PPP1R13L: variants seen among roughly 807,000 people sequenced by gnomAD.
The protein encoded by PPP1R13L is relA-associated inhibitor.
PPP1R13L carries 50 observed loss-of-function variants against 80.9 expected under a neutral mutation model. The ratio of observed to expected loss-of-function variants is 0.62; its 90% CI spans 0.49 to 0.78. The LOEUF (loss-of-function observed/expected upper bound fraction) is 0.78. Among genes scored for constraint, PPP1R13L ranks in the 30% least tolerant of loss-of-function variants. The pLI is 0.00. For synonymous variants in PPP1R13L, 602 were observed against 534.3 expected (o/e 1.13, Z -1.75); for missense variants, 1,200 against 1,205.9 (o/e 1.00, Z 0.07).
At chr19:45,383,216 G>C (rs536312342) in intron 11 of PPP1R13L, among the ~76,000 whole-genome samples, 4 of 150,126 alleles carry the variant, frequency 2.7e-5, no homozygotes, top group Non-Finnish European at 5.9e-5. Flanking sequence ...GGATGGTCTC[G>C]ATCTCCTGAC....
rs758677699 is a variant in PPP1R13L, at chr19:45,395,884, G to C, written c.906C>G (p.Asp302Glu). The change falls in exon 7 of 13, where the codon GAC (aspartate) becomes GAG (glutamate). Residue 302 changes from aspartate to glutamate, a missense_variant and splice_region_variant. Transcript: ENST00000360957. ...GCGGCAGGGTGGCGCTAGTGAGGTTGTCCTGGGGAAGAGGGAAGGGAGAAG... is the reference window on the plus strand; with the variant it reads ...GCGGCAGGGTGGCGCTAGTGAGGTTCTCCTGGGGAAGAGGGAAGGGAGAAG... ...SLDGLGGTGKDNLTSATLPRN... is the reference protein window; with the variant it reads ...SLDGLGGTGKENLTSATLPRN... 6.3e-7 allele frequency: 1 copy of C among 1,585,628 alleles called. No individual in the cohort carries two copies.
At chr19:45,404,282 C>T (rs1336382430) in intron 1 of PPP1R13L, among the ~76,000 whole-genome samples, 1 of 152,164 alleles carries the variant, frequency 6.6e-6, no homozygotes, top group Non-Finnish European at 1.5e-5. Context: ...CCAGCTGTTT[C>T]CCACCCCATA....
intron 8 of PPP1R13L, among the ~76,000 whole-genome samples, chr19:45,390,350 C>G (rs1281277299): frequency 6.6e-6 from 1 of 152,046 alleles, no homozygotes; most frequent in Admixed American, 6.6e-5. Flanking sequence ...AACAGAAGTA[C>G]GATAAATAGC....
chr19:45,386,192 G>C lies in PPP1R13L; in HGVS notation c.1816-12C>G. 6.6e-7 allele frequency: 1 copy of C among 1,506,698 alleles called. No individual in the cohort carries two copies. The highest frequency in any genetic ancestry group is 1.3e-5 in the South Asian group (1 of 75,152). The allele number at this position is 1,506,698 out of a possible 1,614,324, so 93.3% of individuals were successfully genotyped here. A position where few individuals can be genotyped will look rare whatever the true frequency, so the allele number is the denominator to read the frequency against. On this transcript the variant is annotated splice_polypyrimidine_tract_variant and intron_variant, in intron 8 of 12. Transcript: ENST00000360957. ...ACAGAGCGCATCTCCTGGGGGACAGGGCGCAGAGGTCAGCGACTTGGAGGG... is the reference window on the plus strand; with the variant it reads ...ACAGAGCGCATCTCCTGGGGGACAGCGCGCAGAGGTCAGCGACTTGGAGGG...
At position 45,395,204 on chromosome 19, in the gene PPP1R13L, A is replaced by C. The variant is rs190202420; in HGVS notation, c.1354+232T>G. 3.6e-3 allele frequency: 2,071 copies of C among 568,858 alleles called. 16 individuals carry two copies. Among genetic ancestry groups the C allele is most frequent in the Non-Finnish European group, 2.8e-3 (898 of 320,458 alleles). The allele number at this position is 568,858 out of a possible 1,614,324, so 35.2% of individuals were successfully genotyped here. On this transcript the variant is annotated intron_variant, in intron 7 of 12. Coordinates refer to ENST00000360957, the MANE Select transcript of PPP1R13L (RefSeq NM_006663.4). Reference sequence around the variant, plus strand: ...CCCAGTGAGGTTAAGTGACTTGCCCAAGGTCACACAGCGTGGAACCAGGCA... The same window carrying C: ...CCCAGTGAGGTTAAGTGACTTGCCCCAGGTCACACAGCGTGGAACCAGGCA...
Position 45,396,070 on chromosome 19 carries a change from A to G in PPP1R13L, c.903+98T>C. The G allele has an allele frequency of 7.1e-7, 1 of 1,409,390 alleles. No homozygotes were observed. The highest frequency in any genetic ancestry group is 9.6e-7 in the Non-Finnish European group (1 of 1,040,718). The allele number at this position is 1,409,390 out of a possible 1,614,324, so 87.3% of individuals were successfully genotyped here. A position where few individuals can be genotyped will look rare whatever the true frequency, so the allele number is the denominator to read the frequency against. ...AGCGTGGGAACGGGCGCCGAGACCC[A>G]GATCGCAGCCCCGAGGGGGAGACTG... On this transcript the variant is annotated intron_variant, in intron 6 of 12. Transcript: ENST00000360957. This position sits in a 1 kb window ranked among gnomAD's most constrained non-coding sequence, Gnocchi z 5.3.
Position 45,392,132 on chromosome 19 carries a change from G to C in PPP1R13L, c.1563C>G (p.Leu521=). The C allele has an allele frequency of 6.4e-7, 1 of 1,572,340 alleles. No individual in the cohort carries two copies. The highest frequency in any genetic ancestry group is 8.6e-7 in the Non-Finnish European group (1 of 1,157,208). ...ARVLAEIPRP[L]KRRGSMEQAP... ...CCTGCTCCATGGAGCCCCTGCGTTTGAGGGGCCGGGGAATTTCCGCCAACA... is the reference window on the plus strand; with the variant it reads ...CCTGCTCCATGGAGCCCCTGCGTTTCAGGGGCCGGGGAATTTCCGCCAACA... Residue 521 remains leucine (L), a synonymous_variant, in exon 8 of 13, where the codon CTC becomes CTG. Transcript: ENST00000360957.
intron 1 of PPP1R13L, among the ~76,000 whole-genome samples, chr19:45,402,960 C>A (rs1973262698): frequency 6.6e-6 from 1 of 152,192 alleles, no homozygotes; most frequent in African/African-American, 2.4e-5. Context: ...CCTGTCGGGT[C>A]ACACTGAATC....
chr19:45,396,360 AG>A lies in PPP1R13L; in HGVS notation c.788del (p.Pro263LeufsTer112). On this transcript the variant is annotated frameshift_variant, in exon 5 of 13. Coordinates refer to ENST00000360957, the MANE Select transcript of PPP1R13L (RefSeq NM_006663.4). LOFTEE classifies it high-confidence loss of function. The surrounding 1 kb of genome is among the most constrained non-coding windows in gnomAD (Gnocchi z 5.3). ...SDLDVAYEKK[P>X]SQTASYERLD... is the part of the protein sequence containing the mutation. The stretch of plus-strand genomic sequence containing the variant: ...CACGTTCATAGCTCGCTGTCTGCGA[AG>A]GCTTCTTCTCGTACGCCACGTCCAG... The A allele has an allele frequency of 6.2e-7, 1 of 1,614,078 alleles. No individual in the cohort carries two copies. The highest frequency in any genetic ancestry group is 8.5e-7 in the Non-Finnish European group (1 of 1,179,988).
intron 12 of PPP1R13L, 99 bp from the exon 13 acceptor site, chr19:45,380,327 G>GGTGGGA: frequency 4.2e-6 from 6 of 1,425,572 alleles, no homozygotes; most frequent in Non-Finnish European, 4.9e-6. Context: ...CTTCCTAAGG[G>GGTGGGA]GACCTCTCAG....
chr19:45,382,058 T>A (rs1163185196), intron 12 of PPP1R13L, among the ~76,000 whole-genome samples: 1 of 151,610 alleles, frequency 6.6e-6, no homozygotes, highest in Non-Finnish European at 1.5e-5. Context: ...CTGGCCAACA[T>A]GGTGAAACCC....
chr19:45,391,494 A>C (rs35672228), intron 8 of PPP1R13L, among the ~76,000 whole-genome samples: 12,922 of 152,254 alleles, frequency 0.085, 704 homozygotes, highest in Middle Eastern at 0.13. Flanking sequence ...TAAAGACTAC[A>C]TTTCCCAGCA....
chr19:45,384,217 T>C (rs752390155), intron 11 of PPP1R13L, among the ~76,000 whole-genome samples: 5 of 151,812 alleles, frequency 3.3e-5, no homozygotes, highest in Non-Finnish European at 2.9e-5. Context: ...TGATTCTTTA[T>C]GTTATTATTA....
At position 45,396,532 on chromosome 19, in the gene PPP1R13L, C is replaced by T; in HGVS notation, c.712+13G>A. On this transcript the variant is annotated intron_variant, in intron 4 of 12. Coordinates refer to ENST00000360957, the MANE Select transcript of PPP1R13L (RefSeq NM_006663.4). This position sits in a 1 kb window ranked among gnomAD's most constrained non-coding sequence, Gnocchi z 5.3. The stretch of plus-strand genomic sequence containing the variant: ...CGCGAGTCAAAGGCCCCGCGAGGGG[C>T]CCCTGGGTTCACCTTGCGCGCGCAG... The T allele has an allele frequency of 1.3e-6, 2 of 1,577,496 alleles. No homozygotes were observed. The highest frequency in any genetic ancestry group is 1.7e-6 in the Non-Finnish European group (2 of 1,166,402).
At chr19:45,392,814 G>T in intron 7 of PPP1R13L, 1 of 250,648 alleles carries the variant, frequency 4.0e-6, no homozygotes, top group South Asian at 4.3e-5. Context: ...GAATCCTGGT[G>T]TTTAATGATT....
intron 10 of PPP1R13L, 42 bp downstream of exon 10, chr19:45,385,782 C>T: frequency 6.2e-7 from 1 of 1,608,318 alleles, no homozygotes; most frequent in Non-Finnish European, 8.5e-7. Context: ...GCTGCGCGTC[C>T]GCCCACGGGG....
chr19:45,391,510 T>C (rs34413502), intron 8 of PPP1R13L, among the ~76,000 whole-genome samples: 31,113 of 152,158 alleles, frequency 0.2, 3,828 homozygotes, highest in South Asian at 0.28. Flanking sequence ...CAGCATCCCA[T>C]TGCAATGAGG....
intron 2 of PPP1R13L, 31 bp downstream of exon 2, chr19:45,398,233 C>A (rs1302254278): frequency 6.2e-7 from 1 of 1,613,626 alleles, no homozygotes; most frequent in East Asian, 2.2e-5. Context: ...AGGTCCCCGC[C>A]TCGCCAGCCC....
intron 8 of PPP1R13L, among the ~76,000 whole-genome samples, chr19:45,390,307 GA>G (rs977102236): frequency 2.6e-5 from 4 of 151,598 alleles, no homozygotes; most frequent in African/African-American, 9.7e-5. Context: ...TATAAGACAG[GA>G]AAAAAAGGGA....
Sources: gnomAD v4.1 joint callset for allele counts (sites outside exome capture counted in the v4.1 genomes callset) on GRCh38, gnomAD v4.1.1 for gene constraint, Gnocchi (gnomAD v3.1) non-coding constraint, MANE v1.5 for transcripts, NCBI Gene and HGNC (gene_info 2026-07-23, HGNC 2026-07-21) for gene names.